TSNARE1: variants seen among roughly 807,000 people sequenced by gnomAD.
TSNARE1 encodes t-SNARE domain-containing protein 1.
In TSNARE1, 49 loss-of-function variants were observed where a neutral mutation model predicts 62.0. That is an observed-to-expected ratio of 0.79 (90% CI 0.63 to 1.00). The LOEUF is 1.00. Among genes scored for constraint, TSNARE1 ranks in the 50% least tolerant of loss-of-function variants. The pLI is 0.00. For synonymous variants in TSNARE1, 328 were observed against 294.4 expected (o/e 1.11, Z -1.17); for missense variants, 755 against 700.1 (o/e 1.08, Z -0.88).
At chr8:142,260,790 C>T (rs372265227) in intron 12 of TSNARE1, among the ~76,000 whole-genome samples, 17 of 151,494 alleles carry the variant, frequency 1.1e-4, no homozygotes, top group African/African-American at 4.1e-4. Context: ...AGAGCTCTGC[C>T]TCAGGCACTA....
intron 12 of TSNARE1, chr8:142,271,604 T>C (rs1425122805): frequency 7.0e-7 from 1 of 1,432,864 alleles, no homozygotes; most frequent in East Asian, 2.9e-5. Flanking sequence ...TCCTCGTAAG[T>C]CCAGGGGGTC....
chr8:142,384,603 G>A (rs1051723611), intron 1 of TSNARE1, among the ~76,000 whole-genome samples: 16 of 152,172 alleles, frequency 1.1e-4, no homozygotes, highest in African/African-American at 3.4e-4. Context: ...TCAACAAATG[G>A]TGCTGGAAAG....
intron 9 of TSNARE1, among the ~76,000 whole-genome samples, chr8:142,304,280 G>T (rs1339100052): frequency 6.6e-6 from 1 of 152,072 alleles, no homozygotes; most frequent in African/African-American, 2.4e-5. Context: ...CAACCCCAAC[G>T]CCTCCTTCCT....
intron 4 of TSNARE1, among the ~76,000 whole-genome samples, chr8:142,333,270 C>G (rs1013305756): frequency 6.6e-6 from 1 of 152,116 alleles, no homozygotes; most frequent in African/African-American, 2.4e-5. Context: ...GAAGGAAGCA[C>G]GGGGGGCCGA....
intron 13 of TSNARE1, among the ~76,000 whole-genome samples, chr8:142,227,177 AC>A (rs974983977): frequency 2.0e-5 from 3 of 150,920 alleles, no homozygotes; most frequent in African/African-American, 7.3e-5. Context: ...CTGTGCCCAC[AC>A]CCCAGTGACA....
At chr8:142,279,985 C>T (rs543914565) in intron 11 of TSNARE1, 7 of 1,149,416 alleles carry the variant, frequency 6.1e-6, no homozygotes, top group African/African-American at 3.4e-5. Flanking sequence ...CAGCTTCTTG[C>T]GCACAGCACC....
At chr8:142,285,757 C>T (rs945247137) in intron 10 of TSNARE1, among the ~76,000 whole-genome samples, 1 of 152,152 alleles carries the variant, frequency 6.6e-6, no homozygotes, top group Non-Finnish European at 1.5e-5. Flanking sequence ...CCCTCCACCC[C>T]GGCATACTGT....
At chr8:142,406,416 C>T (rs1838585040), upstream of TSNARE1, 1 of 152,310 alleles carries the variant, frequency 6.6e-6, no homozygotes, top group Non-Finnish European at 1.5e-5. Context: ...GGGCAGGCCC[C>T]AAGGGCGCGT....
At chr8:142,401,745 G>A (rs1318651094) in intron 1 of TSNARE1, among the ~76,000 whole-genome samples, 1 of 152,196 alleles carries the variant, frequency 6.6e-6, no homozygotes, top group Non-Finnish European at 1.5e-5. Flanking sequence ...CCTCCTCCAG[G>A]AAGTCGTCTT....
chr8:142,354,670 C>T lies in TSNARE1; in HGVS notation c.55G>A (p.Gly19Arg), dbSNP rs145679911. The T allele has an allele frequency of 8.5e-5, 137 of 1,613,462 alleles. No individual in the cohort carries two copies. The African/African-American group carries it at 1.3e-3, about 15-fold the overall frequency. The change falls in exon 2 of 14, where the codon GGG (glycine) becomes AGG (arginine). Residue 19 changes from glycine (G) to arginine (R), a missense_variant. Coordinates refer to ENST00000524325, the MANE Select transcript of TSNARE1 (RefSeq NM_145003.5). ...GGGLGSRGPF[G>R]GPSRQGCQPL... ...TGACAGCCTTGTCTCGAAGGTCCCC[C>T]GAAAGGGCCACGGCTCCCCAGGCCA... is the stretch of plus-strand genomic sequence containing the variant.
chr8:142,386,116 T>A (rs990289691), intron 1 of TSNARE1, among the ~76,000 whole-genome samples: 2 of 152,204 alleles, frequency 1.3e-5, no homozygotes, highest in Non-Finnish European at 2.9e-5. Context: ...AGGACTCAGA[T>A]AATTCAGCCT....
intron 4 of TSNARE1, among the ~76,000 whole-genome samples, chr8:142,337,579 G>A (rs773453707): frequency 1.6e-4 from 24 of 152,334 alleles, no homozygotes; most frequent in Admixed American, 1.2e-3. Context: ...AGGGAGCCGC[G>A]GGGAGTGCCG....
chr8:142,277,129 C>T (rs759110269), intron 11 of TSNARE1: 8 of 985,216 alleles, frequency 8.1e-6, no homozygotes, highest in Non-Finnish European at 9.6e-6. Flanking sequence ...TCTTGGAGGC[C>T]CCCAGTCTGT....
chr8:142,287,094 C>T (rs968943726), intron 10 of TSNARE1, among the ~76,000 whole-genome samples: 6 of 152,224 alleles, frequency 3.9e-5, no homozygotes, highest in South Asian at 2.1e-4. Flanking sequence ...ACCATCAACG[C>T]GGGGTGGCAC....
intron 12 of TSNARE1, among the ~76,000 whole-genome samples, chr8:142,240,664 G>T (rs1586824097): frequency 6.6e-6 from 1 of 152,094 alleles, no homozygotes; most frequent in African/African-American, 2.4e-5. Flanking sequence ...TGAGCAAAAT[G>T]CAATTGTTAG....
intron 12 of TSNARE1, among the ~76,000 whole-genome samples, chr8:142,251,892 G>A (rs1235909715): frequency 7.0e-6 from 1 of 143,306 alleles, no homozygotes; most frequent in Non-Finnish European, 1.5e-5. Context: ...CAGGGCCCGG[G>A]CACCATGTAC....
At chr8:142,224,538 C>T (rs1816683269) in intron 13 of TSNARE1, among the ~76,000 whole-genome samples, 1 of 152,230 alleles carries the variant, frequency 6.6e-6, no homozygotes, top group Admixed American at 6.5e-5. Flanking sequence ...GGTGCGGTCC[C>T]TCCTCACCGT....
intron 12 of TSNARE1, among the ~76,000 whole-genome samples, chr8:142,243,385 G>A (rs1342963600): frequency 6.6e-6 from 1 of 152,126 alleles, no homozygotes; most frequent in Non-Finnish European, 1.5e-5. Context: ...AAGAAAGTGT[G>A]GTACATATAC....
At chr8:142,373,059 CCTGTCTG>C (rs1316931042) in intron 1 of TSNARE1, among the ~76,000 whole-genome samples, 1 of 152,218 alleles carries the variant, frequency 6.6e-6, no homozygotes, top group Non-Finnish European at 1.5e-5. Flanking sequence ...TCCCCCGTCA[CCTGTCTG>C]CTGAGACCCC....
Sources: gnomAD v4.1 joint callset for allele counts (sites outside exome capture counted in the v4.1 genomes callset) on GRCh38, gnomAD v4.1.1 for gene constraint, MANE v1.5 for transcripts, NCBI Gene and HGNC (gene_info 2026-07-23, HGNC 2026-07-21) for gene names.